The following ZSWIM5 variants were observed in gnomAD, a reference collection of about 807,000 sequenced individuals.
ZSWIM5 encodes zinc finger SWIM domain-containing protein 5.
Under a neutral mutation model 119.6 loss-of-function variants are expected in ZSWIM5, and 55 were observed. The observed-to-expected ratio is 0.46, with a 90% CI of 0.37 to 0.58. ZSWIM5 has a LOEUF of 0.58. ZSWIM5 is among the 20% of genes least tolerant of loss of function. The pLI, the probability that ZSWIM5 is intolerant of heterozygous loss-of-function variation, is 0.00. For synonymous variants in ZSWIM5, 537 were observed against 606.9 expected, an observed-to-expected ratio of 0.88 and a Z score of 1.69; for missense variants, 1,193 against 1,512.8, an observed-to-expected ratio of 0.79 and a Z score of 3.51.
chr1:45,162,894 C>G (rs1435892987), intron 1 of ZSWIM5, among the ~76,000 whole-genome samples: 2 of 152,234 alleles, frequency 1.3e-5, no homozygotes, highest in African/African-American at 4.8e-5. Flanking sequence ...CCTCTGGGGG[C>G]AGGGCATAGT....
Position 45,020,599 on chromosome 1 carries a change from G to A in ZSWIM5, c.2613+26C>T, listed in dbSNP as rs377683077. 1.8e-4 allele frequency: 290 copies of A among 1,610,158 alleles called. 5 individuals carry two copies. In the South Asian group the frequency reaches 1.9e-3, roughly 10 times the overall value. ...TGTCACTAGGTCAGCGGTCTAAACT[G>A]TGGATGGCCTACTCTTCCTCCATAC... is the stretch of plus-strand genomic sequence containing the variant. On this transcript the variant is annotated intron_variant, in intron 12 of 13. Coordinates refer to ENST00000359600, the MANE Select transcript of ZSWIM5 (RefSeq NM_020883.2).
chr1:45,063,344 G>A (rs562266732), intron 2 of ZSWIM5, among the ~76,000 whole-genome samples: 172 of 152,204 alleles, frequency 1.1e-3, no homozygotes, highest in African/African-American at 3.8e-3. Flanking sequence ...TTGCTGGGTG[G>A]CATCATAGTT....
At chr1:45,087,599 A>C (rs527373233) in intron 2 of ZSWIM5, among the ~76,000 whole-genome samples, 6 of 152,346 alleles carry the variant, frequency 3.9e-5, no homozygotes, top group African/African-American at 1.4e-4. Context: ...CAGGGTCTGC[A>C]TCGACAAAGT....
intron 2 of ZSWIM5, among the ~76,000 whole-genome samples, chr1:45,085,774 C>G (rs999945465): frequency 7.9e-5 from 12 of 152,176 alleles, no homozygotes; most frequent in African/African-American, 2.9e-4. Context: ...GTCAATATCA[C>G]TATCAGCATT....
At chr1:45,070,293 C>CATCACCAGAGGAATAAT in intron 2 of ZSWIM5, 1 of 1,456,288 alleles carries the variant, frequency 6.9e-7, no homozygotes, top group Non-Finnish European at 9.6e-7. Context: ...AATTATTCCT[C>CATCACCAGAGGAATAAT]TGGTGATGAG....
chr1:45,037,745 T>C (rs1644993836), intron 8 of ZSWIM5, among the ~76,000 whole-genome samples: 1 of 152,212 alleles, frequency 6.6e-6, no homozygotes, highest in Non-Finnish European at 1.5e-5. Flanking sequence ...CTTATATCTC[T>C]ACCCAGAGAA....
At chr1:45,066,149 G>T (rs1645182507) in intron 2 of ZSWIM5, among the ~76,000 whole-genome samples, 1 of 151,500 alleles carries the variant, frequency 6.6e-6, no homozygotes, top group Admixed American at 6.6e-5. Flanking sequence ...TGCTGAGAAT[G>T]ATGGTTTCCA....
chr1:45,180,286 G>A (rs958188154), intron 1 of ZSWIM5, among the ~76,000 whole-genome samples: 3 of 152,176 alleles, frequency 2.0e-5, no homozygotes, highest in Non-Finnish European at 2.9e-5. Flanking sequence ...ATTATATCCT[G>A]CACCTGGCTC....
chr1:45,169,171 T>C (rs1307839238), intron 1 of ZSWIM5, among the ~76,000 whole-genome samples: 1 of 151,892 alleles, frequency 6.6e-6, no homozygotes, highest in South Asian at 2.1e-4. Flanking sequence ...ATATCTAGTT[T>C]CTTCTGCTTG....
At chr1:45,177,391 A>G (rs1232888170) in intron 1 of ZSWIM5, among the ~76,000 whole-genome samples, 1 of 152,240 alleles carries the variant, frequency 6.6e-6, no homozygotes. Flanking sequence ...CCATATACAC[A>G]GGGAATTTAA....
intron 2 of ZSWIM5, among the ~76,000 whole-genome samples, chr1:45,085,707 C>A (rs1041243376): frequency 4.6e-5 from 7 of 152,078 alleles, no homozygotes; most frequent in Non-Finnish European, 8.8e-5. Context: ...CATCTTTGCT[C>A]CAGTTCCCAA....
At chr1:45,143,869 CAT>C (rs1449691618) in intron 1 of ZSWIM5, among the ~76,000 whole-genome samples, 1 of 145,766 alleles carries the variant, frequency 6.9e-6, no homozygotes, top group Non-Finnish European at 1.5e-5. Flanking sequence ...CAAATACAAA[CAT>C]AAATTAAAAA....
At chr1:45,085,535 T>G (rs1017079419) in intron 2 of ZSWIM5, among the ~76,000 whole-genome samples, 13 of 149,696 alleles carry the variant, frequency 8.7e-5, no homozygotes, top group African/African-American at 3.0e-4. Context: ...TTTGTTTTTT[T>G]TTTTTTTTTT....
At chr1:45,192,077 T>C (rs1646096055) in intron 1 of ZSWIM5, among the ~76,000 whole-genome samples, 1 of 152,224 alleles carries the variant, frequency 6.6e-6, no homozygotes, top group African/African-American at 2.4e-5. Flanking sequence ...ATTTGCCTAT[T>C]CTGGACATTT....
intron 1 of ZSWIM5, among the ~76,000 whole-genome samples, chr1:45,202,124 G>A (rs1457007238): frequency 6.6e-6 from 1 of 151,856 alleles, no homozygotes; most frequent in Non-Finnish European, 1.5e-5. Flanking sequence ...CTTCTGTGAT[G>A]GAATACCTTA....
At chr1:45,186,853 A>C (rs1316367761) in intron 1 of ZSWIM5, among the ~76,000 whole-genome samples, 1 of 152,096 alleles carries the variant, frequency 6.6e-6, no homozygotes, top group East Asian at 1.9e-4. Flanking sequence ...AGTCCTCCCA[A>C]AGTGTTGGGA....
chr1:45,067,390 T>C (rs1645189669), intron 2 of ZSWIM5, among the ~76,000 whole-genome samples: 1 of 150,442 alleles, frequency 6.6e-6, no homozygotes, highest in Non-Finnish European at 1.5e-5. Context: ...CAGTGAGCTG[T>C]GATTGTGCCA....
chr1:45,091,491 T>TAAA (rs35089745), intron 1 of ZSWIM5, among the ~76,000 whole-genome samples: 1 of 104,316 alleles, frequency 9.6e-6, no homozygotes. Context: ...ACCCTGTCTC[T>TAAA]AAAAAAAAAA....
intron 1 of ZSWIM5, among the ~76,000 whole-genome samples, chr1:45,119,825 T>G (rs900536477): frequency 1.3e-5 from 2 of 152,192 alleles, no homozygotes; most frequent in African/African-American, 4.8e-5. Context: ...TCACATCTCT[T>G]CTGATGATCT....
Sources: gnomAD v4.1 joint callset for allele counts (sites outside exome capture counted in the v4.1 genomes callset) on GRCh38, gnomAD v4.1.1 for gene constraint, MANE v1.5 for transcripts, NCBI Gene and HGNC (gene_info 2026-07-23, HGNC 2026-07-21) for gene names.